Variants in GDPD5 observed in about 807,000 individuals in gnomAD.
GDPD5 encodes the protein glycerophosphodiester phosphodiesterase 2.
A neutral mutation model predicts 75.1 loss-of-function variants in GDPD5; 48 were observed. The observed-to-expected ratio is 0.64, with a 90% confidence interval of 0.51 to 0.81. The LOEUF (loss-of-function observed/expected upper bound fraction) is 0.81, where lower values mean the gene tolerates loss of function less well. GDPD5 is among the 40% of genes least tolerant of loss of function. The pLI, the probability that GDPD5 is intolerant of heterozygous loss-of-function variation, is 0.00. For synonymous variants in GDPD5, 336 were observed against 339.0 expected (o/e 0.99, Z 0.10); for missense variants, 706 against 822.6 (o/e 0.86, Z 1.73).
intron 4 of GDPD5, among the ~76,000 whole-genome samples, chr11:75,458,774 A>G (rs1435825396): frequency 6.6e-6 from 1 of 152,140 alleles, no homozygotes; most frequent in Non-Finnish European, 1.5e-5. Flanking sequence ...TAACTACTCA[A>G]TAAACTCTCT....
Position 75,443,213 on chromosome 11 carries a change from C to T in GDPD5, c.871G>A (p.Glu291Lys). 1.9e-6 allele frequency: 3 copies of T among 1,606,404 alleles called. No homozygotes were observed. The highest frequency in any genetic ancestry group is 2.5e-6 in the Non-Finnish European group (3 of 1,177,242). ...RTTNVEEEFP[E>K]LARRPASMLN... is the part of the protein sequence containing the mutation. ...ATGGAGGCAGGCCTGCGGGCCAGCT[C>T]CGGGAACTCCTCCTCCACGTTGGTG... The change falls in exon 11 of 17, where the codon GAG becomes AAG. Residue 291 changes from glutamate (E) to lysine (K), a missense_variant. Glu to Lys is a moderately conservative substitution (Grantham distance 56, BLOSUM62 1). Coordinates refer to ENST00000336898, the MANE Select transcript of GDPD5 (RefSeq NM_030792.8).
intron 9 of GDPD5, chr11:75,448,574 C>A: frequency 1.0e-6 from 1 of 996,106 alleles, no homozygotes; most frequent in South Asian, 4.6e-5. Flanking sequence ...CTCCAACTCA[C>A]GTCGGTTCAG....
At chr11:75,485,510 T>TACACACACACACACACAC (rs3138546) in intron 2 of GDPD5, 4 of 143,574 alleles carry the variant, frequency 2.8e-5, no homozygotes, top group South Asian at 2.3e-4. Flanking sequence ...GTGTATTAAA[T>TACACACACACACACACAC]ACACACACAC....
intron 2 of GDPD5, among the ~76,000 whole-genome samples, chr11:75,483,394 C>T (rs944353679): frequency 2.6e-5 from 4 of 152,156 alleles, no homozygotes; most frequent in African/African-American, 7.2e-5. Context: ...CTGGGATGGG[C>T]GTGCACCTCC....
chr11:75,515,421 C>G (rs1950616766), intron 1 of GDPD5, among the ~76,000 whole-genome samples: 2 of 152,252 alleles, frequency 1.3e-5, no homozygotes, highest in Admixed American at 1.3e-4. Flanking sequence ...TAACTCCACA[C>G]CCAGACTCCC....
At chr11:75,441,056 A>T in intron 14 of GDPD5, 107 bp downstream of exon 14, 1 of 1,125,548 alleles carries the variant, frequency 8.9e-7, no homozygotes, top group Non-Finnish European at 1.3e-6. Flanking sequence ...CCACCATGCT[A>T]GAGACCTCCC....
intron 6 of GDPD5, among the ~76,000 whole-genome samples, chr11:75,455,839 CAG>C (rs1347479177): frequency 1.3e-5 from 2 of 152,204 alleles, no homozygotes; most frequent in Non-Finnish European, 2.9e-5. Flanking sequence ...GGACGTAAGG[CAG>C]AGAGTTAAGG....
intron 3 of GDPD5, among the ~76,000 whole-genome samples, chr11:75,471,783 T>C (rs1192177930): frequency 6.6e-6 from 1 of 152,164 alleles, no homozygotes; most frequent in Non-Finnish European, 1.5e-5. Context: ...CAAGAGGAGC[T>C]AGGCAGGGTG....
intron 2 of GDPD5, among the ~76,000 whole-genome samples, chr11:75,479,768 G>T (rs1236542714): frequency 6.6e-6 from 1 of 151,646 alleles, no homozygotes; most frequent in East Asian, 1.9e-4. Context: ...CTATGGACTT[G>T]CCTATTCTAG....
At position 75,434,691 on chromosome 11, in the gene GDPD5, T is replaced by G. The variant is rs182657613; in HGVS notation, c.*816A>C. On this transcript the variant is annotated 3_prime_UTR_variant, in exon 17 of 17. Coordinates refer to ENST00000336898, the MANE Select transcript of GDPD5 (RefSeq NM_030792.8). The stretch of plus-strand genomic sequence containing the variant: ...GCCAAGGGCCCTAGGTTCCCTCTGT[T>G]CAGGCCCACTTAGCCACACACCCAC... 7.0e-4 allele frequency: 106 copies of G among 152,360 alleles called. No homozygotes were observed. The highest frequency in any genetic ancestry group is 2.4e-3 in the African/African-American group (101 of 41,574). 9.4% of individuals were successfully genotyped at this position (152,360 alleles called of 1,614,324 possible).
chr11:75,450,511 G>A (rs979971775), intron 6 of GDPD5: 9 of 157,916 alleles, frequency 5.7e-5, no homozygotes, highest in South Asian at 3.8e-4. Flanking sequence ...CACTTCAGGC[G>A]GGAGTGGGTG....
At chr11:75,436,133 G>A (rs1948619069) in intron 16 of GDPD5, among the ~76,000 whole-genome samples, 1 of 152,152 alleles carries the variant, frequency 6.6e-6, no homozygotes, top group Non-Finnish European at 1.5e-5. Flanking sequence ...GTTGCTGCCT[G>A]GGCCCCCAAA....
intron 3 of GDPD5, among the ~76,000 whole-genome samples, chr11:75,464,477 C>T (rs1380619137): frequency 6.6e-6 from 1 of 152,224 alleles, no homozygotes; most frequent in Non-Finnish European, 1.5e-5. Flanking sequence ...AGGGCCTGCT[C>T]CGTGCCTCGC....
chr11:75,448,096 A>G (rs1447219173), intron 9 of GDPD5, among the ~76,000 whole-genome samples: 1 of 152,144 alleles, frequency 6.6e-6, no homozygotes, highest in Non-Finnish European at 1.5e-5. Flanking sequence ...TACTACCCTG[A>G]GGTCCCACAA....
chr11:75,448,887 G>T, intron 9 of GDPD5, 90 bp downstream of exon 9: 1 of 1,392,176 alleles, frequency 7.2e-7, no homozygotes, highest in Non-Finnish European at 9.5e-7. Context: ...ACAAATGGTT[G>T]CTACCATTAC....
intron 1 of GDPD5, among the ~76,000 whole-genome samples, chr11:75,516,870 T>C (rs1950648926): frequency 6.6e-6 from 1 of 152,260 alleles, no homozygotes; most frequent in South Asian, 2.1e-4. Flanking sequence ...ACATAAGTTT[T>C]CTGTCTTCTG....
At chr11:75,441,500 C>G in intron 13 of GDPD5, 146 bp downstream of exon 13, 1 of 1,117,662 alleles carries the variant, frequency 8.9e-7, no homozygotes, top group South Asian at 1.5e-5. Flanking sequence ...GTCTTTGAAC[C>G]ATGTGTGCCT....
rs537638550 is a variant in GDPD5, at chr11:75,441,789, A to G, written c.1182T>C (p.Pro394=). The G allele has an allele frequency of 5.0e-6, 8 of 1,608,928 alleles. No homozygotes were observed. Among genetic ancestry groups the G allele is most frequent in the Non-Finnish European group, 6.8e-6 (8 of 1,179,666 alleles). ...GFPQHQVMWL[P]SRQRPLVRKV... is the part of the protein sequence containing the mutation. Reference sequence around the variant, plus strand: ...TCCGCACCAGGGGCCTCTGCCTGCTAGGCAGCCACATGACCTGCAGGCAGA... The same window carrying G: ...TCCGCACCAGGGGCCTCTGCCTGCTGGGCAGCCACATGACCTGCAGGCAGA... Residue 394 remains proline, a synonymous_variant, in exon 13 of 17, where the codon CCT becomes CCC. Coordinates refer to ENST00000336898, the MANE Select transcript of GDPD5 (RefSeq NM_030792.8).
At chr11:75,517,454 CA>C (rs566411414) in intron 1 of GDPD5, 77 of 142,486 alleles carry the variant, frequency 5.4e-4, no homozygotes, top group Non-Finnish European at 3.9e-4. Flanking sequence ...AACTCTGTCT[CA>C]AAAAAAAAAA....
Sources: gnomAD v4.1 joint callset for allele counts (sites outside exome capture counted in the v4.1 genomes callset) on GRCh38, gnomAD v4.1.1 for gene constraint, MANE v1.5 for transcripts, NCBI Gene and HGNC (gene_info 2026-07-23, HGNC 2026-07-21) for gene names.